Variants in RNF220 observed in about 807,000 individuals in gnomAD.
RNF220 encodes E3 ubiquitin-protein ligase RNF220.
In RNF220, 7 loss-of-function variants were observed where a neutral mutation model predicts 67.1. The ratio of observed to expected loss-of-function variants is 0.10; its 90% CI spans 0.06 to 0.20. The LOEUF (loss-of-function observed/expected upper bound fraction) is 0.20. RNF220 is among the 10% of genes least tolerant of loss of function. The probability of loss-of-function intolerance (pLI) is 1.00; values close to 1 mark genes in which losing one functional copy is unlikely to be tolerated. For synonymous variants in RNF220, 270 were observed against 283.2 expected, an observed-to-expected ratio of 0.95 and a Z score of 0.47; for missense variants, 565 against 740.3, an observed-to-expected ratio of 0.76 and a Z score of 2.75.
intron 2 of RNF220, among the ~76,000 whole-genome samples, chr1:44,481,090 A>G (rs941577586): frequency 1.3e-5 from 2 of 152,160 alleles, no homozygotes; most frequent in Non-Finnish European, 1.5e-5. Context: ...AAATGTATGC[A>G]GCAGATGTAG....
intron 2 of RNF220, among the ~76,000 whole-genome samples, chr1:44,610,162 G>C: frequency 6.6e-6 from 1 of 152,332 alleles, no homozygotes; most frequent in South Asian, 2.1e-4. Context: ...GGAGGGGAGG[G>C]GGCTGCGGGC....
intron 2 of RNF220, among the ~76,000 whole-genome samples, chr1:44,559,651 G>A (rs2148285291): frequency 6.6e-6 from 1 of 152,306 alleles, no homozygotes; most frequent in East Asian, 1.9e-4. Context: ...AGGCCTGTTA[G>A]GAAGAGGGGG....
chr1:44,497,716 C>T (rs1015100075), intron 2 of RNF220, among the ~76,000 whole-genome samples: 4 of 152,188 alleles, frequency 2.6e-5, no homozygotes, highest in African/African-American at 9.7e-5. Context: ...ATGCAAATCT[C>T]TCCATTCCCC....
At chr1:44,597,639 G>GCA (rs1250183744) in intron 2 of RNF220, among the ~76,000 whole-genome samples, 5 of 151,200 alleles carry the variant, frequency 3.3e-5, no homozygotes, top group African/African-American at 4.9e-5. Context: ...ACCCACTCTT[G>GCA]CACACACACC....
intron 2 of RNF220, among the ~76,000 whole-genome samples, chr1:44,466,430 C>A (rs2147977189): frequency 6.6e-6 from 1 of 152,342 alleles, no homozygotes; most frequent in East Asian, 1.9e-4. Context: ...TGGCCCCCTC[C>A]CATGAATCAT....
intron 8 of RNF220, 185 bp from the exon 9 acceptor site, chr1:44,644,513 G>A: frequency 1.7e-6 from 1 of 581,414 alleles, no homozygotes; most frequent in Non-Finnish European, 3.1e-6. Context: ...GATGAGGTTT[G>A]CAGAGTGAAG....
In RNF220 at chr1:44,626,350, A is replaced by C. The variant is rs764183990; in HGVS notation, c.858A>C (p.Ser286=). The change falls in exon 5 of 15, where the codon TCA becomes TCC. Residue 286 remains serine (S), a synonymous_variant. Transcript: ENST00000361799. ...IKREGESPTA[S]PHSSATDDLH... ...GGGAAGGAGAGTCTCCAACGGCATCACCCCACTCATCTGCCACCGATGACC... is the reference window on the plus strand; with the variant it reads ...GGGAAGGAGAGTCTCCAACGGCATCCCCCCACTCATCTGCCACCGATGACC... 1 of 1,613,298 alleles carries C rather than the reference A, an allele frequency of 6.2e-7. No individual in the cohort carries two copies. Among genetic ancestry groups the C allele is most frequent in the African/African-American group, 1.3e-5 (1 of 74,646 alleles).
chr1:44,628,152 C>T (rs1644011605), intron 5 of RNF220, among the ~76,000 whole-genome samples: 1 of 152,230 alleles, frequency 6.6e-6, no homozygotes, highest in Non-Finnish European at 1.5e-5. Context: ...GGCTTTGTTC[C>T]AGAGCATTCT....
chr1:44,542,796 A>G (rs1263195063), intron 2 of RNF220, among the ~76,000 whole-genome samples: 2 of 152,180 alleles, frequency 1.3e-5, no homozygotes, highest in Non-Finnish European at 2.9e-5. Context: ...TGAACCCTCG[A>G]GTTCTCCTGT....
At chr1:44,531,784 T>G (rs2148192659) in intron 2 of RNF220, among the ~76,000 whole-genome samples, 1 of 152,328 alleles carries the variant, frequency 6.6e-6, no homozygotes, top group East Asian at 1.9e-4. Context: ...CAATCACTGC[T>G]TGAATACCTC....
intron 2 of RNF220, among the ~76,000 whole-genome samples, chr1:44,599,696 G>T (rs1333549025): frequency 6.6e-6 from 1 of 152,206 alleles, no homozygotes; most frequent in Non-Finnish European, 1.5e-5. Context: ...AGTTGCCCAT[G>T]GGGAGATGAT....
chr1:44,521,097 A>C (rs1659903879), intron 2 of RNF220, among the ~76,000 whole-genome samples: 1 of 152,046 alleles, frequency 6.6e-6, no homozygotes, highest in Admixed American at 6.6e-5. Flanking sequence ...GGATCTCACC[A>C]TGTTTCCCAG....
At chr1:44,451,204 A>G (rs936327020) in intron 2 of RNF220, among the ~76,000 whole-genome samples, 2 of 152,072 alleles carry the variant, frequency 1.3e-5, no homozygotes, top group Non-Finnish European at 2.9e-5. Context: ...GAAAAAAAAA[A>G]AAAAGACTGT....
intron 2 of RNF220, among the ~76,000 whole-genome samples, chr1:44,528,871 C>T (rs1235922902): frequency 6.6e-6 from 1 of 152,190 alleles, no homozygotes; most frequent in Middle Eastern, 3.2e-3. Context: ...ACCTCAGCCT[C>T]CCAAAGTGCT....
At chr1:44,440,476 G>A (rs933620658) in intron 2 of RNF220, among the ~76,000 whole-genome samples, 2 of 152,224 alleles carry the variant, frequency 1.3e-5, no homozygotes, top group Admixed American at 1.3e-4. Flanking sequence ...TGCTATTACA[G>A]AGAAAGTAAA....
At chr1:44,640,113 A>G (rs1282655690) in intron 8 of RNF220, among the ~76,000 whole-genome samples, 1 of 152,238 alleles carries the variant, frequency 6.6e-6, no homozygotes, top group Non-Finnish European at 1.5e-5. Flanking sequence ...TTATCTGGCT[A>G]TTTCTTGATA....
At chr1:44,608,647 C>G (rs938300040) in intron 2 of RNF220, among the ~76,000 whole-genome samples, 4 of 152,164 alleles carry the variant, frequency 2.6e-5, no homozygotes, top group Non-Finnish European at 4.4e-5. Context: ...ACTTGATAGA[C>G]AGTTGTTGTT....
intron 2 of RNF220, among the ~76,000 whole-genome samples, chr1:44,490,341 G>A (rs996129147): frequency 4.6e-5 from 7 of 151,872 alleles, no homozygotes; most frequent in African/African-American, 1.5e-4. Flanking sequence ...GTGGTGGCGA[G>A]CGCCTGTAAT....
rs1048294513 is a variant in RNF220 at position 44,519,307 on chromosome 1, A to G, written c.626-94858A>G. Among the ~76,000 whole-genome samples the G allele has an allele frequency of 2.0e-5, 3 of 152,360 alleles. No homozygotes were observed. In the South Asian group the frequency reaches 6.2e-4, roughly 32 times the overall value. Reference sequence around the variant, plus strand: ...ATACATGTCAAGCACTACGCTAGGCACTGAACATATGATAATAAATCAGAC... The same window carrying G: ...ATACATGTCAAGCACTACGCTAGGCGCTGAACATATGATAATAAATCAGAC... On this transcript the variant is annotated intron_variant, in intron 2 of 14. Transcript: ENST00000361799.
Sources: allele counts gnomAD v4.1 joint callset (sites outside exome capture counted in the v4.1 genomes callset), GRCh38; gene constraint gnomAD v4.1.1; transcripts MANE v1.5; gene names NCBI Gene and HGNC (gene_info 2026-07-23, HGNC 2026-07-21).